Variants in PTGFR observed in about 807,000 individuals in gnomAD.
PTGFR encodes prostaglandin F receptor, also known as prostaglandin F2-alpha receptor.
In PTGFR, 15 loss-of-function variants were observed where a neutral mutation model predicts 26.2. That is an observed-to-expected ratio of 0.57 (90% CI 0.38 to 0.88). PTGFR has a LOEUF of 0.88. Ranked by LOEUF, PTGFR falls within the 40% of genes least tolerant of loss-of-function variation. PTGFR has a pLI of 0.00. For missense variants in PTGFR, 369 were observed against 427.2 expected (o/e 0.86, Z 1.20); for synonymous variants, 165 against 151.1 (o/e 1.09, Z -0.68).
intron 2 of PTGFR, among the ~76,000 whole-genome samples, chr1:78,535,308 T>A (rs1452396139): frequency 6.6e-6 from 1 of 151,988 alleles, no homozygotes; most frequent in African/African-American, 2.4e-5. Context: ...GATGAGATTA[T>A]AGAAATAGAC....
At chr1:78,495,291 T>C (rs2100348298) in intron 2 of PTGFR, among the ~76,000 whole-genome samples, 1 of 152,306 alleles carries the variant, frequency 6.6e-6, no homozygotes, top group African/African-American at 2.4e-5. Context: ...ACAGAAACCG[T>C]TTCTAACAAC....
intron 2 of PTGFR, among the ~76,000 whole-genome samples, chr1:78,536,168 A>G (rs1418328407): frequency 6.6e-6 from 1 of 152,120 alleles, no homozygotes; most frequent in East Asian, 1.9e-4. Flanking sequence ...CTGTTTATGC[A>G]TATTTGACTT....
chr1:78,514,095 G>C (rs1557653448), intron 2 of PTGFR, among the ~76,000 whole-genome samples: 1 of 152,216 alleles, frequency 6.6e-6, no homozygotes, highest in South Asian at 2.1e-4. Flanking sequence ...TTTTGGATTG[G>C]AGCTCCCACA....
intron 2 of PTGFR, among the ~76,000 whole-genome samples, chr1:78,533,741 T>C (rs530870680): frequency 1.2e-4 from 18 of 152,222 alleles, no homozygotes; most frequent in Admixed American, 1.2e-3. Context: ...TGTACAGACA[T>C]GGGGGAGAGA....
intron 2 of PTGFR, among the ~76,000 whole-genome samples, chr1:78,533,593 A>G (rs183213566): frequency 2.6e-4 from 40 of 152,318 alleles, no homozygotes; most frequent in African/African-American, 9.4e-4. Context: ...CGATGCCTAC[A>G]TACAGCAGAC....
intron 1 of PTGFR, among the ~76,000 whole-genome samples, chr1:78,491,691 A>C (rs865891369): frequency 3.2e-4 from 48 of 152,336 alleles, no homozygotes; most frequent in Middle Eastern, 6.8e-3. Context: ...TAACGGGCGA[A>C]AGTCGAACTG....
At chr1:78,495,438 G>T (rs560027121) in intron 2 of PTGFR, among the ~76,000 whole-genome samples, 1 of 152,206 alleles carries the variant, frequency 6.6e-6, no homozygotes, top group Non-Finnish European at 1.5e-5. Context: ...TAAAAAGTGA[G>T]TCTGAGTGAG....
rs530157867 is a variant in PTGFR, at chr1:78,518,841, T to G, written c.799-17565T>G. ...AGCTTTTCCATAAGGCCTTAAAATA[T>G]TTAAAAAAATCGAGTACCCTGCAGA... On this transcript the variant is annotated intron_variant, in intron 2 of 2. Transcript: ENST00000370757. Among the ~76,000 whole-genome samples the G allele has an allele frequency of 8.2e-4, 125 of 152,158 alleles. 1 individual carries two copies. Among genetic ancestry groups the G allele is most frequent in the African/African-American group, 2.9e-3 (122 of 41,532 alleles).
At chr1:78,505,374 C>T (rs757580210) in intron 2 of PTGFR, among the ~76,000 whole-genome samples, 18 of 152,048 alleles carry the variant, frequency 1.2e-4, no homozygotes, top group Non-Finnish European at 2.5e-4. Flanking sequence ...CCACCCACCT[C>T]GGCCTCCCAA....
intron 2 of PTGFR, among the ~76,000 whole-genome samples, chr1:78,509,499 T>C (rs1649911962): frequency 6.6e-6 from 1 of 152,386 alleles, no homozygotes; most frequent in South Asian, 2.1e-4. Flanking sequence ...TTTCCTAGTA[T>C]AAAAATTTAT....
chr1:78,511,707 C>G (rs1429924380), intron 2 of PTGFR, among the ~76,000 whole-genome samples: 1 of 151,640 alleles, frequency 6.6e-6, no homozygotes, highest in East Asian at 1.9e-4. Context: ...TTGCTCCCAG[C>G]CCACATAAAT....
chr1:78,511,394 G>A (rs1182759164), intron 2 of PTGFR, among the ~76,000 whole-genome samples: 1 of 152,234 alleles, frequency 6.6e-6, no homozygotes, highest in African/African-American at 2.4e-5. Flanking sequence ...AATACCATGT[G>A]GAAAATGCCA....
chr1:78,505,310 A>G (rs938937578), intron 2 of PTGFR, among the ~76,000 whole-genome samples: 3 of 151,820 alleles, frequency 2.0e-5, no homozygotes, highest in African/African-American at 4.8e-5. Context: ...TTTAGTAGAG[A>G]TGAGGTTTCA....
At chr1:78,534,329 G>T (rs1048890399) in intron 2 of PTGFR, among the ~76,000 whole-genome samples, 5 of 152,108 alleles carry the variant, frequency 3.3e-5, no homozygotes, top group Admixed American at 1.3e-4. Flanking sequence ...TGCTTTTGTC[G>T]AACCAGCTTG....
At chr1:78,524,037 T>C (rs1017958550) in intron 2 of PTGFR, among the ~76,000 whole-genome samples, 2 of 152,126 alleles carry the variant, frequency 1.3e-5, no homozygotes, top group Non-Finnish European at 2.9e-5. Flanking sequence ...GCAACTTACA[T>C]AATACAACAA....
At chr1:78,520,046 A>G (rs1650185572) in intron 2 of PTGFR, among the ~76,000 whole-genome samples, 1 of 151,734 alleles carries the variant, frequency 6.6e-6, no homozygotes, top group Non-Finnish European at 1.5e-5. Flanking sequence ...CTTTCTTTTC[A>G]TGCTGTGCTT....
At chr1:78,491,722 C>T (rs1649405377) in intron 1 of PTGFR, among the ~76,000 whole-genome samples, 1 of 152,186 alleles carries the variant, frequency 6.6e-6, no homozygotes, top group African/African-American at 2.4e-5. Context: ...CTGGAGAAGG[C>T]GACCGTCCTG....
chr1:78,511,061 G>A (rs948740166), intron 2 of PTGFR, among the ~76,000 whole-genome samples: 2 of 152,210 alleles, frequency 1.3e-5, no homozygotes, highest in African/African-American at 2.4e-5. Context: ...AGCCACCATG[G>A]CTGCTCCCAT....
chr1:78,522,476 C>G (rs976206076), intron 2 of PTGFR, among the ~76,000 whole-genome samples: 1 of 151,984 alleles, frequency 6.6e-6, no homozygotes, highest in Non-Finnish European at 1.5e-5. Flanking sequence ...AAGTACATAC[C>G]CAGCTTTTGT....
Sources: gnomAD v4.1 joint callset for allele counts (sites outside exome capture counted in the v4.1 genomes callset) on GRCh38, gnomAD v4.1.1 for gene constraint, MANE v1.5 for transcripts, NCBI Gene and HGNC (gene_info 2026-07-23, HGNC 2026-07-21) for gene names.